AFDN: variants seen among roughly 807,000 people sequenced by gnomAD.
AFDN encodes the protein afadin.
In AFDN, 68 loss-of-function variants were observed where a neutral mutation model predicts 216.6. The observed-to-expected ratio is 0.31, with a 90% CI of 0.26 to 0.38. The LOEUF is 0.38. Ranked by LOEUF, AFDN falls within the 10% of genes least tolerant of loss-of-function variation. The probability of loss-of-function intolerance (pLI) is 1.00; values close to 1 mark genes in which losing one functional copy is unlikely to be tolerated. For synonymous variants in AFDN, 868 were observed against 853.7 expected (o/e 1.02, Z -0.29); for missense variants, 2,136 against 2,342.0 (o/e 0.91, Z 1.82).
chr6:167,925,888 T>C (rs1792462621), intron 23 of AFDN, among the ~76,000 whole-genome samples: 1 of 152,220 alleles, frequency 6.6e-6, no homozygotes, highest in Admixed American at 6.5e-5. Flanking sequence ...CAGTAACTAA[T>C]GTTTCAGTCA....
chr6:167,873,454 TTA>T (rs1385892287), intron 4 of AFDN, among the ~76,000 whole-genome samples: 1 of 152,254 alleles, frequency 6.6e-6, no homozygotes, highest in Non-Finnish European at 1.5e-5. Context: ...TTTGGTGTAC[TTA>T]TAGATTGTTC....
At chr6:167,846,220 A>C (rs534538273) in intron 1 of AFDN, among the ~76,000 whole-genome samples, 5 of 151,900 alleles carry the variant, frequency 3.3e-5, no homozygotes, top group Non-Finnish European at 5.9e-5. Context: ...TTTTTTCCTT[A>C]AATGAGGTTC....
chr6:167,832,417 G>A (rs1295876228), intron 1 of AFDN, among the ~76,000 whole-genome samples: 1 of 152,184 alleles, frequency 6.6e-6, no homozygotes, highest in African/African-American at 2.4e-5. Context: ...GGCTAAAGCA[G>A]GCTGAGAGGT....
chr6:167,848,935 G>C (rs769335028), intron 1 of AFDN, among the ~76,000 whole-genome samples: 5 of 152,072 alleles, frequency 3.3e-5, no homozygotes, highest in Middle Eastern at 3.2e-3. Flanking sequence ...GCTGGAACTG[G>C]GTGTTTTCCA....
intron 15 of AFDN, 79 bp from the exon 16 acceptor site, chr6:167,913,324 A>G: frequency 7.1e-7 from 1 of 1,410,546 alleles, no homozygotes; most frequent in South Asian, 1.2e-5. Flanking sequence ...TAGTGTTTTG[A>G]TTTTTTTAAA....
chr6:167,881,168 C>G (rs181767123), intron 6 of AFDN, among the ~76,000 whole-genome samples: 11 of 152,218 alleles, frequency 7.2e-5, no homozygotes, highest in Non-Finnish European at 1.6e-4. Context: ...GTGTAGAGGT[C>G]TTGTGCCTCT....
intron 30 of AFDN, among the ~76,000 whole-genome samples, chr6:167,959,099 G>C (rs760877022): frequency 6.6e-6 from 1 of 152,254 alleles, no homozygotes; most frequent in African/African-American, 2.4e-5. Context: ...TCAAGTTTCT[G>C]TTGTAGGCCT....
intron 23 of AFDN, among the ~76,000 whole-genome samples, chr6:167,937,096 T>C (rs1794101804): frequency 6.6e-6 from 1 of 152,142 alleles, no homozygotes; most frequent in Admixed American, 6.5e-5. Context: ...CCAGTGGGTC[T>C]GCAGGAAAGG....
At chr6:167,881,695 A>G (rs1337463554) in intron 6 of AFDN, among the ~76,000 whole-genome samples, 1 of 152,154 alleles carries the variant, frequency 6.6e-6, no homozygotes, top group Non-Finnish European at 1.5e-5. Flanking sequence ...AGTAAAACTG[A>G]TGGGAGGTGG....
In AFDN at chr6:167,948,619, G is replaced by A. The variant is rs1013680490; in HGVS notation, c.3831+141G>A. ...TAATGGTTTTGTGGTTAAGTTTGAG[G>A]AAAAAAGGAGACAGGATAGAATACT... On this transcript the variant is annotated intron_variant, in intron 29 of 33. Coordinates refer to ENST00000683244, the MANE Select transcript of AFDN (RefSeq NM_001386888.1). The A allele has an allele frequency of 7.0e-6, 5 of 710,782 alleles. No individual in the cohort carries two copies. The African/African-American group carries it at 7.2e-5, about 10-fold the overall frequency. 44.0% of individuals were successfully genotyped at this position (710,782 alleles called of 1,614,324 possible).
chr6:167,838,552 C>T (rs1173738299), intron 1 of AFDN, among the ~76,000 whole-genome samples: 2 of 152,322 alleles, frequency 1.3e-5, no homozygotes, highest in Admixed American at 6.5e-5. Flanking sequence ...CAATTTTTCC[C>T]CAGATAACAT....
At chr6:167,837,284 C>G (rs1583096337) in intron 1 of AFDN, among the ~76,000 whole-genome samples, 1 of 151,338 alleles carries the variant, frequency 6.6e-6, no homozygotes, top group East Asian at 1.9e-4. Context: ...TTCCATTATT[C>G]AAATATGCTT....
Position 167,870,463 on chromosome 6 carries a change from G to A in AFDN, c.379G>A (p.Val127Ile). Residue 127 changes from valine (V) to isoleucine (I), a missense_variant, in exon 3 of 34, where the codon GTT (valine) becomes ATT (isoleucine). Around this residue, in one of 8 missense-constraint regions of AFDN, gnomAD observed 817 missense variants for 965.7 expected, o/e 0.85. Coordinates refer to ENST00000683244, the MANE Select transcript of AFDN (RefSeq NM_001386888.1). Reference protein sequence around the residue: ...WNKDDREGRFVLKNENDAIPP... With the variant: ...WNKDDREGRFILKNENDAIPP... ...CAAAGATGATCGGGAAGGCAGATTTGTTCTTAAGAATGAGAATGACGCCAT... is the reference window on the plus strand; with the variant it reads ...CAAAGATGATCGGGAAGGCAGATTTATTCTTAAGAATGAGAATGACGCCAT... 1 of 1,612,040 alleles carries A rather than the reference G, an allele frequency of 6.2e-7. No individual in the cohort carries two copies. The highest frequency in any genetic ancestry group is 8.5e-7 in the Non-Finnish European group (1 of 1,178,980).
chr6:167,923,101 T>A, intron 22 of AFDN, 142 bp downstream of exon 22: 1 of 586,808 alleles, frequency 1.7e-6, no homozygotes. Context: ...TTCAGAAATT[T>A]TCAAGCCATA....
chr6:167,828,490 G>A (rs972281511), intron 1 of AFDN, among the ~76,000 whole-genome samples: 5 of 152,158 alleles, frequency 3.3e-5, no homozygotes, highest in African/African-American at 1.2e-4. Flanking sequence ...ACGCCATTAG[G>A]CTCAGGTTGT....
At chr6:167,943,509 T>C (rs1457945767) in intron 25 of AFDN, 34 bp downstream of exon 25, 1 of 1,531,910 alleles carries the variant, frequency 6.5e-7, no homozygotes, top group Non-Finnish European at 9.0e-7. Flanking sequence ...AGCATAGTAT[T>C]AGCATTTTTA....
At position 167,946,348 on chromosome 6, in the gene AFDN, C is replaced by T. The variant is rs111717620; in HGVS notation, c.3359-359C>T. Among the ~76,000 whole-genome samples, 602 of 152,176 alleles carry T rather than the reference C, an allele frequency of 4.0e-3. 4 individuals carry two copies. The highest frequency in any genetic ancestry group is 0.014 in the African/African-American group (578 of 41,504). ...ACATGACGGCTGCTCAGAACGATGACGCTGGGCGATTAAAAGTTCAGATAT... is the reference window on the plus strand; with the variant it reads ...ACATGACGGCTGCTCAGAACGATGATGCTGGGCGATTAAAAGTTCAGATAT... On this transcript the variant is annotated intron_variant, in intron 26 of 33. Transcript: ENST00000683244.
intron 8 of AFDN, among the ~76,000 whole-genome samples, chr6:167,891,850 C>T (rs886696884): frequency 6.6e-6 from 1 of 151,728 alleles, no homozygotes; most frequent in African/African-American, 2.4e-5. Flanking sequence ...TGGTGCACCC[C>T]CATCCCAAGC....
intron 30 of AFDN, among the ~76,000 whole-genome samples, chr6:167,957,755 T>C (rs959066511): frequency 6.8e-6 from 1 of 146,852 alleles, no homozygotes; most frequent in African/African-American, 2.5e-5. Context: ...TGGCCGTGAC[T>C]GTGGCTGCAG....
Sources: gnomAD v4.1 joint callset for allele counts (sites outside exome capture counted in the v4.1 genomes callset) on GRCh38, gnomAD v4.1.1 for gene constraint, gnomAD v4.1.1 regional missense constraint, MANE v1.5 for transcripts, NCBI Gene and HGNC (gene_info 2026-07-23, HGNC 2026-07-21) for gene names.